AGBL1: variants seen among roughly 807,000 people sequenced by gnomAD.
AGBL1 encodes AGBL carboxypeptidase 1.
Under a neutral mutation model 118.9 loss-of-function variants are expected in AGBL1, and 130 were observed. That is an observed-to-expected ratio of 1.09 (90% CI 0.95 to 1.26). The LOEUF is 1.26. AGBL1 is among the 50% of genes most tolerant of loss of function. The probability of loss-of-function intolerance (pLI) is 0.00; values close to 1 mark genes in which losing one functional copy is unlikely to be tolerated. For synonymous variants in AGBL1, 555 were observed against 478.9 expected, an observed-to-expected ratio of 1.16 and a Z score of -2.08; for missense variants, 1,584 against 1,298.1, an observed-to-expected ratio of 1.22 and a Z score of -3.38.
At chr15:86,721,019 T>A (rs1244402134) in intron 22 of AGBL1, among the ~76,000 whole-genome samples, 1 of 151,774 alleles carries the variant, frequency 6.6e-6, no homozygotes, top group Non-Finnish European at 1.5e-5. Flanking sequence ...AGCTTACCAA[T>A]CAAAAAAAGT....
intron 18 of AGBL1, among the ~76,000 whole-genome samples, chr15:86,508,505 C>G (rs1469231560): frequency 6.6e-6 from 1 of 152,038 alleles, no homozygotes; most frequent in African/African-American, 2.4e-5. Flanking sequence ...AAATACATGA[C>G]TATGAACAGT....
At chr15:86,735,808 G>A (rs948865718) in intron 22 of AGBL1, among the ~76,000 whole-genome samples, 1 of 152,110 alleles carries the variant, frequency 6.6e-6, no homozygotes, top group African/African-American at 2.4e-5. Context: ...GTGACTCATG[G>A]CCTGGCATGT....
chr15:86,579,543 G>A (rs564818915), intron 21 of AGBL1, among the ~76,000 whole-genome samples: 6 of 152,288 alleles, frequency 3.9e-5, no homozygotes, highest in African/African-American at 1.4e-4. Flanking sequence ...AATGTAACTT[G>A]ATTTTTGGGC....
intron 5 of AGBL1, among the ~76,000 whole-genome samples, chr15:86,215,431 A>AC (rs1272461529): frequency 6.6e-6 from 1 of 151,884 alleles, no homozygotes; most frequent in East Asian, 1.9e-4. Flanking sequence ...CGCTGCAACA[A>AC]CCCCTTGTCC....
intron 24 of AGBL1, among the ~76,000 whole-genome samples, chr15:87,010,684 T>C (rs1439136526): frequency 1.3e-5 from 2 of 152,212 alleles, no homozygotes; most frequent in African/African-American, 2.4e-5. Context: ...TTACCTTCTC[T>C]GGTTCTGAGG....
intron 18 of AGBL1, among the ~76,000 whole-genome samples, chr15:86,420,664 C>T (rs1298441554): frequency 6.6e-6 from 1 of 152,140 alleles, no homozygotes; most frequent in East Asian, 1.9e-4. Flanking sequence ...ACAAACTCCT[C>T]TGAGCTAAAG....
intron 23 of AGBL1, among the ~76,000 whole-genome samples, chr15:86,943,273 T>C (rs1423289731): frequency 6.6e-6 from 1 of 152,166 alleles, no homozygotes; most frequent in Non-Finnish European, 1.5e-5. Context: ...AAAATGGCAA[T>C]TCTACTGGAA....
intron 5 of AGBL1, among the ~76,000 whole-genome samples, chr15:86,178,853 AG>A (rs1294370351): frequency 6.6e-6 from 1 of 152,238 alleles, no homozygotes; most frequent in Non-Finnish European, 1.5e-5. Context: ...AGCCATAGAA[AG>A]GAATGACATT....
chr15:86,783,979 G>T (rs1056036249), intron 22 of AGBL1, among the ~76,000 whole-genome samples: 3 of 152,192 alleles, frequency 2.0e-5, no homozygotes, highest in Non-Finnish European at 4.4e-5. Flanking sequence ...AGGAGGAATG[G>T]TGTTGGAGTA....
intron 5 of AGBL1, among the ~76,000 whole-genome samples, chr15:86,223,854 T>C (rs940307187): frequency 6.6e-6 from 1 of 152,202 alleles, no homozygotes; most frequent in Non-Finnish European, 1.5e-5. Context: ...GCTGGCTCTG[T>C]TGTTCAGTAT....
At chr15:86,862,604 C>A (rs1243084976) in intron 22 of AGBL1, among the ~76,000 whole-genome samples, 1 of 152,076 alleles carries the variant, frequency 6.6e-6, no homozygotes, top group Non-Finnish European at 1.5e-5. Context: ...GCCTGTAGTC[C>A]CAGCTACTCG....
intron 18 of AGBL1, among the ~76,000 whole-genome samples, chr15:86,449,051 C>A (rs568841347): frequency 6.6e-6 from 1 of 151,970 alleles, no homozygotes; most frequent in Non-Finnish European, 1.5e-5. Flanking sequence ...GCTGGAAGAA[C>A]AGATACAAAG....
chr15:86,750,327 T>G (rs1252203619), intron 22 of AGBL1, among the ~76,000 whole-genome samples: 1 of 151,998 alleles, frequency 6.6e-6, no homozygotes, highest in Non-Finnish European at 1.5e-5. Context: ...AGATTGGTAT[T>G]TCAATACCTG....
intron 17 of AGBL1, among the ~76,000 whole-genome samples, chr15:86,302,039 T>C (rs932529526): frequency 6.6e-6 from 1 of 152,122 alleles, no homozygotes; most frequent in African/African-American, 2.4e-5. Context: ...CTCACCATGA[T>C]CCTACCCTCT....
intron 5 of AGBL1, among the ~76,000 whole-genome samples, chr15:86,210,611 A>G (rs1395697076): frequency 6.6e-6 from 1 of 152,126 alleles, no homozygotes; most frequent in Non-Finnish European, 1.5e-5. Flanking sequence ...CTAATCAGCT[A>G]TTGAAGCTTG....
chr15:86,405,239 C>T (rs550768972), intron 18 of AGBL1, among the ~76,000 whole-genome samples: 19 of 151,756 alleles, frequency 1.3e-4, no homozygotes, highest in African/African-American at 3.9e-4. Context: ...TGGCCGGGCG[C>T]GGTGGCTCAT....
Position 86,455,532 on chromosome 15 carries a change from A to G in AGBL1, c.2555+57986A>G, listed in dbSNP as rs868766163. ...AATCATATGCCTGTATTGGCTATCA[A>G]ATGATTTAAATATGTGAACAATCTT... On this transcript the variant is annotated intron_variant, in intron 18 of 22. Transcript: ENST00000614907. Among the ~76,000 whole-genome samples the G allele has an allele frequency of 4.6e-5, 7 of 152,168 alleles. No homozygotes were observed. In the South Asian group the frequency reaches 1.4e-3, roughly 32 times the overall value.
At chr15:86,571,721 G>A (rs1262317548) in intron 21 of AGBL1, among the ~76,000 whole-genome samples, 1 of 152,196 alleles carries the variant, frequency 6.6e-6, no homozygotes, top group Non-Finnish European at 1.5e-5. Context: ...TCAGAGGGGA[G>A]GAAGCGGGTG....
intron 21 of AGBL1, among the ~76,000 whole-genome samples, chr15:86,609,820 A>G (rs778495580): frequency 6.6e-6 from 1 of 152,202 alleles, no homozygotes; most frequent in Non-Finnish European, 1.5e-5. Context: ...CCAGGTACTC[A>G]TAACAATTCA....
Sources: gnomAD v4.1 joint callset for allele counts (sites outside exome capture counted in the v4.1 genomes callset) on GRCh38, gnomAD v4.1.1 for gene constraint, MANE v1.5 for transcripts, NCBI Gene and HGNC (gene_info 2026-07-23, HGNC 2026-07-21) for gene names.